The following ARHGEF28 variants were observed in gnomAD, a reference collection of about 807,000 sequenced individuals.
The protein encoded by ARHGEF28 is 190 kDa guanine nucleotide exchange factor.
Under a neutral mutation model 206.6 loss-of-function variants are expected in ARHGEF28, and 152 were observed. That is an observed-to-expected ratio of 0.74 (90% CI 0.64 to 0.84). The LOEUF is 0.84. ARHGEF28 is among the 40% of genes least tolerant of loss of function. ARHGEF28 has a pLI of 0.00. For synonymous variants in ARHGEF28, 763 were observed against 776.4 expected, an observed-to-expected ratio of 0.98 and a Z score of 0.29; for missense variants, 2,028 against 2,073.2, an observed-to-expected ratio of 0.98 and a Z score of 0.42.
At chr5:73,845,107 T>C (rs903471541) in intron 11 of ARHGEF28, among the ~76,000 whole-genome samples, 2 of 146,712 alleles carry the variant, frequency 1.4e-5, no homozygotes, top group African/African-American at 5.1e-5. Context: ...AAGCTCTGCC[T>C]CCTGGGTTCA....
In ARHGEF28 at chr5:73,868,148, C is replaced by A; in HGVS notation, c.2346C>A (p.Ser782Arg). The A allele has an allele frequency of 6.2e-7, 1 of 1,608,342 alleles. No homozygotes were observed. The highest frequency in any genetic ancestry group is 8.5e-7 in the Non-Finnish European group (1 of 1,177,220). ...TGGAGTCTGAGAGTGACCATAACAG[C>A]TGCAGAAGCAGGTCTCATTCTGATG... is the stretch of plus-strand genomic sequence containing the variant. ...TSLESESDHN[S>R]CRSRSHSDEL... is the part of the protein sequence containing the mutation. The change falls in exon 20 of 36, where the codon AGC (serine) becomes AGA (arginine). Residue 782 changes from serine to arginine, a missense_variant. Physicochemically the swap from Ser to Arg is moderately radical, Grantham distance 110. Around this residue, in one of 3 missense-constraint regions of ARHGEF28, gnomAD observed 1,002 missense variants for 1,015.3 expected, o/e 0.99. Coordinates refer to ENST00000513042, the MANE Select transcript of ARHGEF28 (RefSeq NM_001177693.2).
intron 22 of ARHGEF28, among the ~76,000 whole-genome samples, chr5:73,880,636 A>G (rs575667695): frequency 2.0e-5 from 3 of 152,336 alleles, no homozygotes; most frequent in Non-Finnish European, 4.4e-5. Context: ...TTTTTAAAAA[A>G]GGATTTACAG....
chr5:73,811,182 T>C (rs542267345), intron 9 of ARHGEF28, among the ~76,000 whole-genome samples: 2 of 152,304 alleles, frequency 1.3e-5, no homozygotes, highest in South Asian at 2.1e-4. Flanking sequence ...TCCACACTAG[T>C]GAAGGTCCCC....
intron 7 of ARHGEF28, among the ~76,000 whole-genome samples, chr5:73,791,526 T>G (rs145516903): frequency 2.0e-5 from 3 of 151,954 alleles, no homozygotes; most frequent in Non-Finnish European, 4.4e-5. Context: ...CACATCCAAA[T>G]GGTGATTAAA....
intron 7 of ARHGEF28, among the ~76,000 whole-genome samples, chr5:73,793,525 A>G (rs1030236575): frequency 6.6e-6 from 1 of 152,214 alleles, no homozygotes. Context: ...GCGTTTCCCC[A>G]GGATTAGCAT....
chr5:73,830,655 A>G (rs1173801558), intron 9 of ARHGEF28, among the ~76,000 whole-genome samples: 2 of 152,184 alleles, frequency 1.3e-5, no homozygotes, highest in African/African-American at 4.8e-5. Context: ...TGTGTGGAGA[A>G]GAGATAGATT....
At chr5:73,673,810 G>T (rs1032333379) in intron 1 of ARHGEF28, among the ~76,000 whole-genome samples, 4 of 152,032 alleles carry the variant, frequency 2.6e-5, no homozygotes, top group Non-Finnish European at 4.4e-5. Flanking sequence ...TAGGTACTAT[G>T]ATTAATTCTA....
intron 2 of ARHGEF28, among the ~76,000 whole-genome samples, chr5:73,748,889 T>A (rs1751880655): frequency 1.3e-5 from 2 of 152,186 alleles, no homozygotes; most frequent in Non-Finnish European, 2.9e-5. Context: ...GGTCTGGAGA[T>A]GACCTGGCAG....
At chr5:73,814,037 G>A (rs2112524041) in intron 9 of ARHGEF28, among the ~76,000 whole-genome samples, 1 of 152,204 alleles carries the variant, frequency 6.6e-6, no homozygotes, top group African/African-American at 2.4e-5. Flanking sequence ...CAGTCTTAGT[G>A]GGATTTGCAG....
intron 13 of ARHGEF28, among the ~76,000 whole-genome samples, chr5:73,851,111 A>T (rs1758666943): frequency 6.6e-6 from 1 of 152,212 alleles, no homozygotes; most frequent in South Asian, 2.1e-4. Context: ...AAGCTTGCCT[A>T]ATGCAAAGAT....
At chr5:73,899,073 A>G (rs1762120493) in intron 30 of ARHGEF28, 1 of 152,044 alleles carries the variant, frequency 6.6e-6, no homozygotes, top group Non-Finnish European at 1.5e-5. Flanking sequence ...TCTTTTTTAA[A>G]CATCAGCACC....
intron 22 of ARHGEF28, among the ~76,000 whole-genome samples, chr5:73,875,330 G>A (rs1300230440): frequency 1.3e-5 from 2 of 150,852 alleles, no homozygotes; most frequent in Non-Finnish European, 3.0e-5. Flanking sequence ...CCCTTTGTCA[G>A]ATGAGTAGGT....
chr5:73,857,478 G>A (rs186431672), intron 14 of ARHGEF28, among the ~76,000 whole-genome samples, 178 bp from the exon 15 acceptor site: 65 of 151,844 alleles, frequency 4.3e-4, no homozygotes, highest in Non-Finnish European at 8.1e-4. Flanking sequence ...GTTCACTTAT[G>A]CTATAGGGTG....
chr5:73,668,609 T>C (rs1192619414), intron 1 of ARHGEF28, among the ~76,000 whole-genome samples: 1 of 152,224 alleles, frequency 6.6e-6, no homozygotes, highest in Non-Finnish European at 1.5e-5. Flanking sequence ...GGGGAACACA[T>C]TTGAACCACA....
intron 2 of ARHGEF28, among the ~76,000 whole-genome samples, chr5:73,706,786 G>C (rs922183746): frequency 6.6e-6 from 1 of 152,174 alleles, no homozygotes; most frequent in African/African-American, 2.4e-5. Context: ...TGCCAGCGGG[G>C]CAAACAACTT....
At chr5:73,914,137 C>T (rs1407311723) in intron 35 of ARHGEF28, among the ~76,000 whole-genome samples, 2 of 152,142 alleles carry the variant, frequency 1.3e-5, no homozygotes, top group Admixed American at 6.5e-5. Context: ...GCTCTACCCC[C>T]ACCCCTGCCA....
At chr5:73,679,264 C>T (rs2112235834) in intron 1 of ARHGEF28, among the ~76,000 whole-genome samples, 1 of 152,248 alleles carries the variant, frequency 6.6e-6, no homozygotes, top group Admixed American at 6.5e-5. Flanking sequence ...TGGACAGATA[C>T]TCTTTCAAAA....
At chr5:73,776,088 C>T (rs1276913134) in intron 5 of ARHGEF28, among the ~76,000 whole-genome samples, 1 of 152,174 alleles carries the variant, frequency 6.6e-6, no homozygotes, top group African/African-American at 2.4e-5. Context: ...CAAACCTCAC[C>T]ATGTTCCCTG....
chr5:73,829,906 G>C (rs746743055), intron 9 of ARHGEF28, among the ~76,000 whole-genome samples: 1 of 152,136 alleles, frequency 6.6e-6, no homozygotes, highest in Non-Finnish European at 1.5e-5. Flanking sequence ...AAAAGCTTGG[G>C]AAGTGTTGTT....
Sources: allele counts gnomAD v4.1 joint callset (sites outside exome capture counted in the v4.1 genomes callset), GRCh38; gene constraint gnomAD v4.1.1; regional missense constraint gnomAD v4.1.1; transcripts MANE v1.5; gene names NCBI Gene and HGNC (gene_info 2026-07-23, HGNC 2026-07-21).